The following GGPS1 variants were observed in gnomAD, a reference collection of about 807,000 sequenced individuals.
GGPS1 encodes geranylgeranyl diphosphate synthase 1, also known as geranylgeranyl pyrophosphate synthase.
A neutral mutation model predicts 28.1 loss-of-function variants in GGPS1; 15 were observed. The observed-to-expected ratio is 0.53, with a 90% CI of 0.36 to 0.82. The LOEUF (loss-of-function observed/expected upper bound fraction) is 0.82. Among genes scored for constraint, GGPS1 ranks in the 40% least tolerant of loss-of-function variants. The pLI, the probability that GGPS1 is intolerant of heterozygous loss-of-function variation, is 0.01. For missense variants in GGPS1, 284 were observed against 348.3 expected (o/e 0.82, Z 1.47); for synonymous variants, 138 against 122.4 (o/e 1.13, Z -0.84).
chr1:235,340,772 A>G (rs1676018976), intron 2 of GGPS1, among the ~76,000 whole-genome samples: 1 of 151,170 alleles, frequency 6.6e-6, no homozygotes, highest in African/African-American at 2.4e-5. Flanking sequence ...GAAAGAAAAA[A>G]AGAAGATACT....
intron 3 of GGPS1, 101 bp from the exon 4 acceptor site, chr1:235,341,910 A>T: frequency 1.1e-6 from 1 of 877,908 alleles, no homozygotes; most frequent in Non-Finnish European, 1.8e-6. Context: ...AATATTTATT[A>T]GTTGTGAAAA....
At chr1:235,340,005 G>C (rs1207784573) in intron 2 of GGPS1, among the ~76,000 whole-genome samples, 2 of 151,886 alleles carry the variant, frequency 1.3e-5, no homozygotes, top group Non-Finnish European at 2.9e-5. Flanking sequence ...GGTGGCACAT[G>C]CGTGTAATCC....
upstream of GGPS1, chr1:235,328,053 G>A (rs1486063654): frequency 6.5e-6 from 1 of 152,792 alleles, no homozygotes; most frequent in Non-Finnish European, 1.5e-5. Context: ...GGCGGCGATG[G>A]ACCCTCTGCA....
intron 3 of GGPS1, 30 bp downstream of exon 3, chr1:235,341,808 C>T: frequency 7.9e-7 from 1 of 1,260,670 alleles, no homozygotes; most frequent in South Asian, 1.2e-5. Flanking sequence ...TCATTAATCC[C>T]CAAGAAATTA....
intron 2 of GGPS1, chr1:235,337,068 T>G: frequency 5.7e-6 from 1 of 175,168 alleles, no homozygotes; most frequent in Non-Finnish European, 1.4e-5. Flanking sequence ...AGTTAGTAAC[T>G]TATTTCAGTA....
At position 235,343,403 on chromosome 1, in the gene GGPS1, T is replaced by C. The variant is rs1676114611; in HGVS notation, c.*631T>C. 6.4e-6 allele frequency: 1 copy of C among 156,850 alleles called. No individual in the cohort carries two copies. 9.7% of individuals were successfully genotyped at this position (156,850 alleles called of 1,614,324 possible). On this transcript the variant is annotated 3_prime_UTR_variant, in exon 4 of 4. Transcript: ENST00000282841. ...TGTCTCTACTAAAAATACAAAAAAT[T>C]AGCTGGGCGTGGTGGTGGGCGCCTG...
chr1:235,341,817 TA>T (rs1174278362), intron 3 of GGPS1, 39 bp downstream of exon 3: 6 of 1,164,166 alleles, frequency 5.2e-6, no homozygotes, highest in Non-Finnish European at 7.6e-6. Flanking sequence ...CCCAAGAAAT[TA>T]ATAGCTGTCG....
chr1:235,341,556 C>T lies in GGPS1; in HGVS notation c.71-152C>T, dbSNP rs888501216. ...GTTGAGAATGAGTTATTGAGCAGTG[C>T]AAGGCAAGCTCTGCAGTAGGTAATG... On this transcript the variant is annotated intron_variant, in intron 2 of 3. Coordinates refer to ENST00000282841, the MANE Select transcript of GGPS1 (RefSeq NM_004837.4). 1.8e-5 allele frequency: 12 copies of T among 654,470 alleles called. No homozygotes were observed. In the East Asian group the frequency reaches 3.3e-4, roughly 18 times the overall value. 40.5% of individuals were successfully genotyped at this position (654,470 alleles called of 1,614,324 possible).
Position 235,342,771 on chromosome 1 carries a change from A to G in GGPS1, c.902A>G (p.Ter301=). 1.9e-6 allele frequency: 3 copies of G among 1,564,732 alleles called. No individual in the cohort carries two copies. Among genetic ancestry groups the G allele is most frequent in the Non-Finnish European group, 2.6e-6 (3 of 1,155,218 alleles). Residue 301 remains the stop codon, a stop_retained_variant, in exon 4 of 4, where the codon TAA becomes TGA. Transcript: ENST00000282841. ...AAGATGTTCAAAGAAGAAAATGAAT[A>G]ATGTTAAGCCATTCTTGATTGGACC... The part of the protein sequence containing the change: ...LSKMFKEENE[*]
chr1:235,330,243 G>C (rs1480536405), intron 1 of GGPS1: 1 of 152,260 alleles, frequency 6.6e-6, no homozygotes, highest in African/African-American at 2.4e-5. Flanking sequence ...CCAGCACTTT[G>C]GGAGGCCGAG....
intron 1 of GGPS1, among the ~76,000 whole-genome samples, chr1:235,332,648 A>G (rs188006061): frequency 5.9e-5 from 9 of 152,312 alleles, no homozygotes; most frequent in Admixed American, 4.6e-4. Context: ...AATATGTGCA[A>G]AAGTCTTGTC....
chr1:235,332,929 G>A (rs1256682519), intron 1 of GGPS1, among the ~76,000 whole-genome samples: 1 of 151,920 alleles, frequency 6.6e-6, no homozygotes, highest in Admixed American at 6.6e-5. Flanking sequence ...TTAGCTGGGC[G>A]TGGTGGTGGG....
At chr1:235,333,791 G>T (rs574536547) in intron 1 of GGPS1, among the ~76,000 whole-genome samples, 6 of 152,266 alleles carry the variant, frequency 3.9e-5, no homozygotes, top group African/African-American at 1.4e-4. Flanking sequence ...GCCATTAGAT[G>T]CCATATTACA....
intron 2 of GGPS1, among the ~76,000 whole-genome samples, chr1:235,335,952 C>G (rs1445891471): frequency 6.6e-6 from 1 of 152,180 alleles, no homozygotes; most frequent in Non-Finnish European, 1.5e-5. Flanking sequence ...ACTACTGGTT[C>G]CTTTGAGAGC....
rs1197435839 is a variant in GGPS1 at position 235,328,623 on chromosome 1, G to T, written c.-179G>T. The T allele has an allele frequency of 6.5e-6, 1 of 153,062 alleles. No homozygotes were observed. The highest frequency in any genetic ancestry group is 1.5e-5 in the Non-Finnish European group (1 of 68,352). The allele number at this position is 153,062 out of a possible 1,614,324, so 9.5% of individuals were successfully genotyped here. The stretch of plus-strand genomic sequence containing the variant: ...CACCAACTAATGCGGTGTCGCTGGC[G>T]GCTGAGGAGGGCGGAGAGTTCTGTG... On this transcript the variant is annotated 5_prime_UTR_variant, in exon 1 of 4. Transcript: ENST00000282841.
chr1:235,341,787 C>A lies in GGPS1; in HGVS notation c.141+9C>A. The A allele has an allele frequency of 1.4e-6, 2 of 1,473,606 alleles. No homozygotes were observed. The highest frequency in any genetic ancestry group is 1.4e-5 in the African/African-American group (1 of 71,600). The allele number at this position is 1,473,606 out of a possible 1,614,324, so 91.3% of individuals were successfully genotyped here. A position where few individuals can be genotyped will look rare whatever the true frequency, so the allele number is the denominator to read the frequency against. ...CAGAGGACAAGCTACAGGTATTAGG[C>A]AACTCTAACCTCATTAATCCCCAAG... is the stretch of plus-strand genomic sequence containing the variant. On this transcript the variant is annotated intron_variant, in intron 3 of 3. Transcript: ENST00000282841.
rs997363182 is a variant in GGPS1, at chr1:235,343,001, T to C, written c.*229T>C. 2 of 360,034 alleles carry C rather than the reference T, an allele frequency of 5.6e-6. No homozygotes were observed. The highest frequency in any genetic ancestry group is 2.1e-5 in the African/African-American group (1 of 47,324). 22.3% of individuals were successfully genotyped at this position (360,034 alleles called of 1,614,324 possible). A position where few individuals can be genotyped will look rare whatever the true frequency, so the allele number is the denominator to read the frequency against. ...CACAGTTATGTAGGTCTGATTTGAA[T>C]GTCATAATTGCAGTGACAGGACATT... On this transcript the variant is annotated 3_prime_UTR_variant, in exon 4 of 4. Transcript: ENST00000282841.
intron 1 of GGPS1, among the ~76,000 whole-genome samples, chr1:235,331,742 A>G (rs6665100): frequency 4.6e-5 from 7 of 151,570 alleles, no homozygotes; most frequent in African/African-American, 1.7e-4. Flanking sequence ...TGCACAGTTG[A>G]TGGTTATATG....
chr1:235,335,710 T>TA (rs1276810114), intron 2 of GGPS1, among the ~76,000 whole-genome samples: 1 of 152,200 alleles, frequency 6.6e-6, no homozygotes, highest in Non-Finnish European at 1.5e-5. Flanking sequence ...CTTTAAAACA[T>TA]ATCCAATTAT....
Sources: allele counts gnomAD v4.1 joint callset (sites outside exome capture counted in the v4.1 genomes callset), GRCh38; gene constraint gnomAD v4.1.1; transcripts MANE v1.5; gene names NCBI Gene and HGNC (gene_info 2026-07-23, HGNC 2026-07-21).